The following MME variants were observed in gnomAD, a reference collection of about 807,000 sequenced individuals.
The protein encoded by MME is neprilysin.
MME carries 98 observed loss-of-function variants against 113.2 expected under a neutral mutation model. The observed-to-expected ratio is 0.87, with a 90% CI of 0.74 to 1.02. The LOEUF (loss-of-function observed/expected upper bound fraction) is 1.02, where lower values mean the gene tolerates loss of function less well. Among genes scored for constraint, MME ranks in the 50% least tolerant of loss-of-function variants. The probability of loss-of-function intolerance (pLI) is 0.00; values close to 1 mark genes in which losing one functional copy is unlikely to be tolerated. For synonymous variants in MME, 292 were observed against 300.6 expected, an observed-to-expected ratio of 0.97 and a Z score of 0.30; for missense variants, 836 against 896.0, an observed-to-expected ratio of 0.93 and a Z score of 0.86.
intron 3 of MME, among the ~76,000 whole-genome samples, chr3:155,087,577 G>T (rs1486070231): frequency 6.6e-6 from 1 of 152,072 alleles, no homozygotes; most frequent in Non-Finnish European, 1.5e-5. Flanking sequence ...TATATGCTCA[G>T]GCTGTCCTGT....
At chr3:155,170,454 T>A (rs2108370674) in intron 20 of MME, among the ~76,000 whole-genome samples, 1 of 152,306 alleles carries the variant, frequency 6.6e-6, no homozygotes, top group East Asian at 1.9e-4. Flanking sequence ...TTTTGGGTCT[T>A]CCTTTTGTAA....
At position 155,171,531 on chromosome 3, in the gene MME, A is replaced by T. The variant is rs183043242; in HGVS notation, c.1981-586A>T. Reference sequence around the variant, plus strand: ...ATTAAGAGGATTTTCTGACATTCAAATTACCTAAATATTTTCCTTCAAATG... The same window carrying T: ...ATTAAGAGGATTTTCTGACATTCAATTTACCTAAATATTTTCCTTCAAATG... On this transcript the variant is annotated intron_variant, in intron 20 of 22. Transcript: ENST00000360490. Among the ~76,000 whole-genome samples, 4 of 152,270 alleles carry T rather than the reference A, an allele frequency of 2.6e-5. No homozygotes were observed. The East Asian group carries it at 7.7e-4, about 29-fold the overall frequency.
intron 20 of MME, among the ~76,000 whole-genome samples, chr3:155,171,816 G>A (rs1472187869): frequency 6.6e-6 from 1 of 152,136 alleles, no homozygotes; most frequent in African/African-American, 2.4e-5. Context: ...ACAACATTTA[G>A]ATAAGTTTTT....
At chr3:155,154,725 C>T (rs763674903) in intron 16 of MME, among the ~76,000 whole-genome samples, 1 of 152,140 alleles carries the variant, frequency 6.6e-6, no homozygotes, top group African/African-American at 2.4e-5. Context: ...TATAGTTCAA[C>T]TTGAGTATCA....
At chr3:155,089,926 C>T (rs1311029839) in intron 3 of MME, 5 of 435,692 alleles carry the variant, frequency 1.1e-5, no homozygotes, top group African/African-American at 2.0e-5. Context: ...CACGACTGCA[C>T]TCCAGCCTGG....
At chr3:155,055,328 T>C (rs1044379777) in intron 1 of MME, among the ~76,000 whole-genome samples, 8 of 152,224 alleles carry the variant, frequency 5.3e-5, no homozygotes, top group African/African-American at 1.9e-4. Flanking sequence ...CCAGGCATGG[T>C]GGCTCATGCC....
At chr3:155,091,655 AT>A (rs1716307926) in intron 3 of MME, among the ~76,000 whole-genome samples, 1 of 152,188 alleles carries the variant, frequency 6.6e-6, no homozygotes. Context: ...AAGCAAATCC[AT>A]GGGGTAGCAA....
chr3:155,180,496 G>T lies in MME; in HGVS notation c.*37G>T, dbSNP rs1712985071. On this transcript the variant is annotated 3_prime_UTR_variant, in exon 23 of 23. Transcript: ENST00000360490. ...AGCATTGCAGCCCTTGGCTAGACTT[G>T]CCAACACCACAGAAATGGGGAATTC... 1 of 1,485,762 alleles carries T rather than the reference G, an allele frequency of 6.7e-7. No homozygotes were observed. Among genetic ancestry groups the T allele is most frequent in the South Asian group, 1.1e-5 (1 of 88,480 alleles). 92.0% of individuals were successfully genotyped at this position (1,485,762 alleles called of 1,614,324 possible).
intron 20 of MME, among the ~76,000 whole-genome samples, chr3:155,170,029 G>T (rs181360080): frequency 6.6e-6 from 1 of 151,996 alleles, no homozygotes; most frequent in African/African-American, 2.4e-5. Flanking sequence ...TTTTTTGTTC[G>T]ATGCCAGACA....
intron 1 of MME, among the ~76,000 whole-genome samples, chr3:155,059,252 C>T (rs1382218760): frequency 5.0e-5 from 5 of 99,102 alleles, no homozygotes; most frequent in Non-Finnish European, 7.4e-5. Flanking sequence ...GAGCAAAATT[C>T]TGTCTCAAAA....
intron 3 of MME, among the ~76,000 whole-genome samples, chr3:155,091,792 C>T (rs1477146522): frequency 6.6e-6 from 1 of 152,096 alleles, no homozygotes; most frequent in Non-Finnish European, 1.5e-5. Flanking sequence ...CTTTTGAATC[C>T]TGTAAATTTT....
intron 1 of MME, among the ~76,000 whole-genome samples, chr3:155,064,998 TAGA>T (rs1351006611): frequency 6.6e-6 from 1 of 152,212 alleles, no homozygotes; most frequent in African/African-American, 2.4e-5. Context: ...CTCTTCATCT[TAGA>T]AGGACACCAG....
intron 3 of MME, among the ~76,000 whole-genome samples, chr3:155,104,119 A>G (rs540966121): frequency 6.6e-6 from 1 of 152,242 alleles, no homozygotes; most frequent in South Asian, 2.1e-4. Flanking sequence ...TTAAGATGAA[A>G]CCCTGCAAGC....
At chr3:155,049,222 A>G (rs1713669755) in intron 1 of MME, among the ~76,000 whole-genome samples, 1 of 152,148 alleles carries the variant, frequency 6.6e-6, no homozygotes, top group Non-Finnish European at 1.5e-5. Context: ...GTCTTTCCAG[A>G]TGTATTTAAG....
Position 155,183,623 on chromosome 3 carries a change from A to G in MME, c.*3164A>G, listed in dbSNP as rs1713301010. On this transcript the variant is annotated 3_prime_UTR_variant, in exon 23 of 23. Transcript: ENST00000360490. ...TTATTTTGGAAAGAAGAAAGACTCT[A>G]TTCTCAAAGTTTCCTAATCAGAAAT... is the stretch of plus-strand genomic sequence containing the variant. 1 of 152,228 alleles carries G rather than the reference A, an allele frequency of 6.6e-6. No individual in the cohort carries two copies. Among genetic ancestry groups the G allele is most frequent in the Non-Finnish European group, 1.5e-5 (1 of 68,030 alleles). The allele number at this position is 152,228 out of a possible 1,614,324, so 9.4% of individuals were successfully genotyped here.
intron 1 of MME, among the ~76,000 whole-genome samples, chr3:155,050,346 A>ATAGAATAAT (rs1309855177): frequency 1.3e-5 from 2 of 152,192 alleles, no homozygotes; most frequent in African/African-American, 4.8e-5. Flanking sequence ...TTGGTTATAT[A>ATAGAATAAT]CCCAATAATG....
At chr3:155,106,279 C>T (rs1265080131) in intron 3 of MME, among the ~76,000 whole-genome samples, 1 of 152,154 alleles carries the variant, frequency 6.6e-6, no homozygotes, top group Admixed American at 6.5e-5. Context: ...TGGAACGTAA[C>T]CAGTGGTTGA....
At chr3:155,160,774 T>C (rs1241674597) in intron 17 of MME, among the ~76,000 whole-genome samples, 3 of 152,066 alleles carry the variant, frequency 2.0e-5, no homozygotes, top group Admixed American at 6.6e-5. Flanking sequence ...CTATATAAAG[T>C]CATATTGACT....
chr3:155,025,003 C>G (rs1481520734), intron 1 of MME, among the ~76,000 whole-genome samples: 1 of 152,108 alleles, frequency 6.6e-6, no homozygotes, highest in African/African-American at 2.4e-5. Context: ...AGAAAATAGA[C>G]CCACTGAACT....
Sources: allele counts gnomAD v4.1 joint callset (sites outside exome capture counted in the v4.1 genomes callset), GRCh38; gene constraint gnomAD v4.1.1; transcripts MANE v1.5; gene names NCBI Gene and HGNC (gene_info 2026-07-23, HGNC 2026-07-21).